Variants in MEGF9 observed in about 807,000 individuals in gnomAD.
The protein encoded by MEGF9 is multiple epidermal growth factor-like domains protein 9.
Under a neutral mutation model 46.8 loss-of-function variants are expected in MEGF9, and 6 were observed. That is an observed-to-expected ratio of 0.13 (90% CI 0.07 to 0.25). MEGF9 has a LOEUF of 0.25. Ranked by LOEUF, MEGF9 falls within the 10% of genes least tolerant of loss-of-function variation. The pLI is 1.00. For missense variants in MEGF9, 683 were observed against 792.4 expected, an observed-to-expected ratio of 0.86 and a Z score of 1.66; for synonymous variants, 302 against 330.7, an observed-to-expected ratio of 0.91 and a Z score of 0.94.
chr9:120,692,099 T>A (rs2043851001), intron 1 of MEGF9, among the ~76,000 whole-genome samples: 1 of 152,164 alleles, frequency 6.6e-6, no homozygotes. Flanking sequence ...TACATAAGTA[T>A]TCTAGAGCAC....
At chr9:120,655,495 C>T (rs1443972050) in intron 2 of MEGF9, among the ~76,000 whole-genome samples, 1 of 152,164 alleles carries the variant, frequency 6.6e-6, no homozygotes, top group Admixed American at 6.5e-5. Context: ...TAACACATTT[C>T]TCACAACATA....
At chr9:120,674,861 C>T (rs2043765614) in intron 1 of MEGF9, among the ~76,000 whole-genome samples, 1 of 149,884 alleles carries the variant, frequency 6.7e-6, no homozygotes, top group Admixed American at 6.8e-5. Context: ...TGAGCTACCA[C>T]ATCAGGCCAG....
chr9:120,694,646 T>A (rs569716913), intron 1 of MEGF9, among the ~76,000 whole-genome samples: 1 of 152,304 alleles, frequency 6.6e-6, no homozygotes, highest in East Asian at 1.9e-4. Flanking sequence ...AGATGCAATC[T>A]CATGATACAG....
intron 2 of MEGF9, among the ~76,000 whole-genome samples, chr9:120,635,411 T>C (rs2043569647): frequency 6.6e-6 from 1 of 152,222 alleles, no homozygotes; most frequent in Non-Finnish European, 1.5e-5. Context: ...AGGTTTTCTA[T>C]GCCTTTTCCC....
chr9:120,631,967 C>T (rs1024842122), intron 2 of MEGF9, among the ~76,000 whole-genome samples: 1 of 150,498 alleles, frequency 6.6e-6, no homozygotes, highest in African/African-American at 2.4e-5. Flanking sequence ...CTCACTCTGT[C>T]GCCAGGCTGG....
intron 1 of MEGF9, among the ~76,000 whole-genome samples, chr9:120,681,834 A>G (rs2043800016): frequency 6.6e-6 from 1 of 152,260 alleles, no homozygotes; most frequent in South Asian, 2.1e-4. Flanking sequence ...CTGAATTTGA[A>G]TAACTTGAAA....
intron 1 of MEGF9, among the ~76,000 whole-genome samples, chr9:120,666,450 G>C (rs2043725417): frequency 6.6e-6 from 1 of 152,160 alleles, no homozygotes; most frequent in African/African-American, 2.4e-5. Context: ...GAAAGGCAAT[G>C]AGTATCCCTC....
At chr9:120,617,004 T>C (rs538809418) in intron 3 of MEGF9, among the ~76,000 whole-genome samples, 15 of 151,286 alleles carry the variant, frequency 9.9e-5, no homozygotes, top group African/African-American at 3.7e-4. Context: ...TTATGATAAA[T>C]GATACATAAA....
chr9:120,666,161 T>C (rs2043724217), intron 1 of MEGF9, among the ~76,000 whole-genome samples: 1 of 152,234 alleles, frequency 6.6e-6, no homozygotes. Context: ...ATTAAATCTA[T>C]AAATTGCTTT....
intron 1 of MEGF9, among the ~76,000 whole-genome samples, chr9:120,667,055 C>A (rs955906161): frequency 1.3e-5 from 2 of 152,112 alleles, no homozygotes; most frequent in Non-Finnish European, 2.9e-5. Flanking sequence ...GAGTAAATTT[C>A]ATTGGATATA....
intron 1 of MEGF9, among the ~76,000 whole-genome samples, chr9:120,699,740 A>G (rs1000739164): frequency 6.6e-5 from 10 of 151,446 alleles, no homozygotes; most frequent in Non-Finnish European, 1.2e-4. Context: ...AAAAAAAAAA[A>G]AAAAGTAAGT....
chr9:120,695,333 C>T (rs552166572), intron 1 of MEGF9, among the ~76,000 whole-genome samples: 13 of 152,040 alleles, frequency 8.6e-5, no homozygotes, highest in South Asian at 2.1e-4. Context: ...AGGTCAGGCG[C>T]GGTAGCTCAC....
chr9:120,608,939 C>G (rs2043432477), intron 4 of MEGF9, among the ~76,000 whole-genome samples: 1 of 152,196 alleles, frequency 6.6e-6, no homozygotes, highest in African/African-American at 2.4e-5. Flanking sequence ...ATTAAGCCTT[C>G]ATCATTTCTC....
chr9:120,612,648 A>G, intron 3 of MEGF9, 109 bp from the exon 4 acceptor site: 2 of 962,370 alleles, frequency 2.1e-6, no homozygotes, highest in Non-Finnish European at 3.0e-6. Context: ...AAAAACTAAT[A>G]GGGATTGGAT....
chr9:120,691,559 A>G, intron 1 of MEGF9: 1 of 279,376 alleles, frequency 3.6e-6, no homozygotes, highest in Middle Eastern at 4.3e-4. Context: ...GATAGTTTAA[A>G]CGCATTTTAT....
intron 2 of MEGF9, among the ~76,000 whole-genome samples, chr9:120,654,769 C>T (rs1243967512): frequency 1.3e-5 from 2 of 152,102 alleles, no homozygotes; most frequent in African/African-American, 4.8e-5. Flanking sequence ...CATGTTATTC[C>T]CCCGAAGACC....
chr9:120,610,331 T>C (rs960426034), intron 4 of MEGF9, among the ~76,000 whole-genome samples: 2 of 152,194 alleles, frequency 1.3e-5, no homozygotes, highest in African/African-American at 4.8e-5. Context: ...TGAAATAGAC[T>C]GAAGGACTGA....
intron 1 of MEGF9, among the ~76,000 whole-genome samples, chr9:120,688,686 C>G (rs2043835165): frequency 2.0e-5 from 3 of 152,148 alleles, no homozygotes; most frequent in African/African-American, 7.2e-5. Flanking sequence ...TGGAGAGTAA[C>G]TACATGTGTG....
At chr9:120,675,769 T>C (rs2043770241) in intron 1 of MEGF9, among the ~76,000 whole-genome samples, 1 of 149,938 alleles carries the variant, frequency 6.7e-6, no homozygotes, top group Non-Finnish European at 1.5e-5. Context: ...GCGCCTGTAA[T>C]CCCAGCTACT....
Sources: gnomAD v4.1 joint callset for allele counts (sites outside exome capture counted in the v4.1 genomes callset) on GRCh38, gnomAD v4.1.1 for gene constraint, MANE v1.5 for transcripts, NCBI Gene and HGNC (gene_info 2026-07-23, HGNC 2026-07-21) for gene names.